Variants in MCFD2 observed in about 807,000 individuals in gnomAD.
MCFD2 encodes the protein multiple coagulation factor deficiency 2, ER cargo receptor complex subunit.
In MCFD2, 11 loss-of-function variants were observed where a neutral mutation model predicts 12.8. That is an observed-to-expected ratio of 0.86 (90% confidence interval 0.54 to 1.42). MCFD2 has a LOEUF of 1.42. Among genes scored for constraint, MCFD2 ranks in the 40% most tolerant of loss-of-function variants. MCFD2 has a pLI of 0.00. For synonymous variants in MCFD2, 70 were observed against 68.1 expected, an observed-to-expected ratio of 1.03 and a Z score of -0.14; for missense variants, 191 against 178.6, an observed-to-expected ratio of 1.07 and a Z score of -0.40.
rs1016061945 is a variant in MCFD2, at chr2:46,905,241, G to A, written c.*222C>T. On this transcript the variant is annotated 3_prime_UTR_variant, in exon 4 of 4. Transcript: ENST00000319466. ...ATACAGATGCTTGAAGCAAGCCCTT[G>A]TCCAATAAGGTATTTAATAGCACTT... is the stretch of plus-strand genomic sequence containing the variant. 1.8e-6 allele frequency: 1 copy of A among 561,894 alleles called. No individual in the cohort carries two copies. The highest frequency in any genetic ancestry group is 3.4e-5 in the East Asian group (1 of 29,504). 34.8% of individuals were successfully genotyped at this position (561,894 alleles called of 1,614,324 possible).
In MCFD2 at chr2:46,941,715, T is replaced by A; in HGVS notation, c.-151A>T. ...GCAGCCCGAGCGCAGCGTTCACCTTTCCGGACACCGGTGAGTAAGGGAAGA... is the reference window on the plus strand; with the variant it reads ...GCAGCCCGAGCGCAGCGTTCACCTTACCGGACACCGGTGAGTAAGGGAAGA... On this transcript the variant is annotated 5_prime_UTR_variant, in exon 1 of 3. Coordinates refer to the MCFD2 transcript ENST00000409147. The surrounding 1 kb of genome is among the most constrained non-coding windows in gnomAD (Gnocchi z 4.2). The A allele has an allele frequency of 6.5e-7, 1 of 1,550,238 alleles. No individual in the cohort carries two copies. The highest frequency in any genetic ancestry group is 8.7e-7 in the Non-Finnish European group (1 of 1,147,134).
rs1365390135 is a variant in MCFD2 at position 46,908,278 on chromosome 2, T to C, written c.150-309A>G. 1 of 372,730 alleles carries C rather than the reference T, an allele frequency of 2.7e-6. No homozygotes were observed. The highest frequency in any genetic ancestry group is 2.2e-5 in the African/African-American group (1 of 45,958). The allele number at this position is 372,730 out of a possible 1,614,324, so 23.1% of individuals were successfully genotyped here. A position where few individuals can be genotyped will look rare whatever the true frequency, so the allele number is the denominator to read the frequency against. ...GTCCTTTAAAACTTTTTTTTTTTTT[T>C]GAGACAGGGTCTCACTCTGCCACCC... is the stretch of plus-strand genomic sequence containing the variant. On this transcript the variant is annotated intron_variant, in intron 2 of 3. Transcript: ENST00000319466. The surrounding 1 kb of genome is among the most constrained non-coding windows in gnomAD (Gnocchi z 4.5).
chr2:46,923,376 C>G (rs1256910239), intron 1 of MCFD2, among the ~76,000 whole-genome samples: 2 of 152,198 alleles, frequency 1.3e-5, no homozygotes, highest in Non-Finnish European at 2.9e-5. Flanking sequence ...CTGGGGGCTG[C>G]CAGCCATCAG....
At position 46,915,802 on chromosome 2, in the gene MCFD2, C is replaced by A. The variant is rs1558467294; in HGVS notation, c.-86G>T. 7.0e-6 allele frequency: 4 copies of A among 571,678 alleles called. No homozygotes were observed. Among genetic ancestry groups the A allele is most frequent in the Non-Finnish European group, 7.9e-6 (4 of 503,722 alleles). 35.4% of individuals were successfully genotyped at this position (571,678 alleles called of 1,614,324 possible). A position where few individuals can be genotyped will look rare whatever the true frequency, so the allele number is the denominator to read the frequency against. ...CCGTCCCCAAAACGCTCTTCCTCGG[C>A]TTCGCCCCGCCCCCCCCCCCCCCCC... On this transcript the variant is annotated 5_prime_UTR_variant, in exon 1 of 4. Transcript: ENST00000319466.
intron 1 of MCFD2, among the ~76,000 whole-genome samples, chr2:46,914,421 G>C (rs71423927): frequency 6.6e-6 from 1 of 152,146 alleles, no homozygotes; most frequent in Non-Finnish European, 1.5e-5. Flanking sequence ...ACTTACCCCT[G>C]TCATGGTCCT....
intron 1 of MCFD2, among the ~76,000 whole-genome samples, chr2:46,912,227 T>C (rs1668516638): frequency 6.6e-6 from 1 of 152,160 alleles, no homozygotes; most frequent in African/African-American, 2.4e-5. Context: ...TAATCCCAGC[T>C]ATTTGGGAGG....
rs1668068562 is a variant in MCFD2, at chr2:46,902,895, T to C, written c.*2568A>G. 1 of 152,224 alleles carries C rather than the reference T, an allele frequency of 6.6e-6. No individual in the cohort carries two copies. Among genetic ancestry groups the C allele is most frequent in the African/African-American group, 2.4e-5 (1 of 41,446 alleles). The allele number at this position is 152,224 out of a possible 1,614,324, so 9.4% of individuals were successfully genotyped here. On this transcript the variant is annotated 3_prime_UTR_variant, in exon 4 of 4. Transcript: ENST00000319466. ...AGCATCCACTTGGCAAAGCCTGTTG[T>C]TTTACTTTTCAGGTGATGTGAATTA...
chr2:46,939,885 C>T (rs1345821102), intron 1 of MCFD2, among the ~76,000 whole-genome samples: 1 of 152,204 alleles, frequency 6.6e-6, no homozygotes, highest in East Asian at 1.9e-4. Context: ...TCTCTAAATT[C>T]CAACTGCCAG....
rs1274504390 is a variant in MCFD2, at chr2:46,902,082, A to G, written c.*3381T>C. ...GTATACATCCTACGACAAATTTTGTAGTCTCTTTTTCCCATTCAATCATCG... is the reference window on the plus strand; with the variant it reads ...GTATACATCCTACGACAAATTTTGTGGTCTCTTTTTCCCATTCAATCATCG... On this transcript the variant is annotated 3_prime_UTR_variant, in exon 4 of 4. Coordinates refer to ENST00000319466, the MANE Select transcript of MCFD2 (RefSeq NM_139279.6). 1 of 152,674 alleles carries G rather than the reference A, an allele frequency of 6.5e-6. No individual in the cohort carries two copies. The highest frequency in any genetic ancestry group is 2.4e-5 in the African/African-American group (1 of 41,476). 9.5% of individuals were successfully genotyped at this position (152,674 alleles called of 1,614,324 possible). A position where few individuals can be genotyped will look rare whatever the true frequency, so the allele number is the denominator to read the frequency against.
chr2:46,939,010 C>CAAAAA (rs1190579295), intron 1 of MCFD2, among the ~76,000 whole-genome samples: 1 of 76,992 alleles, frequency 1.3e-5, no homozygotes, highest in African/African-American at 4.4e-5. Context: ...GACTCTGTCT[C>CAAAAA]AAAAAAAAAA....
chr2:46,908,849 G>T lies in MCFD2; in HGVS notation c.149+174C>A. 2.4e-6 allele frequency: 2 copies of T among 837,242 alleles called. No homozygotes were observed. The highest frequency in any genetic ancestry group is 5.4e-5 in the East Asian group (2 of 37,380). 51.9% of individuals were successfully genotyped at this position (837,242 alleles called of 1,614,324 possible). A position where few individuals can be genotyped will look rare whatever the true frequency, so the allele number is the denominator to read the frequency against. ...GATCTTCCACCTGTGATACAATGAT[G>T]AAAAAAGAATACCTGACTTATAGGT... On this transcript the variant is annotated intron_variant, in intron 2 of 3. Transcript: ENST00000319466. This position sits in a 1 kb window ranked among gnomAD's most constrained non-coding sequence, Gnocchi z 4.5.
intron 1 of MCFD2, among the ~76,000 whole-genome samples, chr2:46,912,031 C>T (rs1213844437): frequency 1.3e-5 from 2 of 152,150 alleles, no homozygotes; most frequent in African/African-American, 4.8e-5. Context: ...TCCAATTTTA[C>T]CAAATAAAAG....
Position 46,937,905 on chromosome 2 carries a change from G to A in MCFD2, c.-8+3667C>T, listed in dbSNP as rs768900052. On this transcript the variant is annotated intron_variant, in intron 1 of 2. Coordinates refer to the MCFD2 transcript ENST00000409147. The surrounding 1 kb of genome is among the most constrained non-coding windows in gnomAD (Gnocchi z 4.0). ...AGAGAAGTCTGTTCAGCAGGTCATG[G>A]ACTGAAGAAAACTACTGTGTATATA... 2.0e-5 allele frequency among the ~76,000 whole-genome samples: 3 copies of A among 152,184 alleles called. No individual in the cohort carries two copies. The highest frequency in any genetic ancestry group is 7.2e-5 in the African/African-American group (3 of 41,440).
In MCFD2 at chr2:46,937,863, ATTAG is replaced by A. The variant is rs1670059288; in HGVS notation, c.-8+3705_-8+3708del. ...CCCTGTGAAAGCAAAATGTGCTGTA[ATTAG>A]TTCTTTGTCAAGAGAGAAGTCTGTT... On this transcript the variant is annotated intron_variant, in intron 1 of 2. Transcript: ENST00000409147. This position sits in a 1 kb window ranked among gnomAD's most constrained non-coding sequence, Gnocchi z 4.0. Among the ~76,000 whole-genome samples, 1 of 152,310 alleles carries A rather than the reference ATTAG, an allele frequency of 6.6e-6. No individual in the cohort carries two copies. Among genetic ancestry groups the A allele is most frequent in the African/African-American group, 2.4e-5 (1 of 41,570 alleles).
At chr2:46,939,290 C>G (rs547060121) in intron 1 of MCFD2, among the ~76,000 whole-genome samples, 4 of 152,190 alleles carry the variant, frequency 2.6e-5, no homozygotes, top group African/African-American at 9.6e-5. Flanking sequence ...CGCAGTGGCT[C>G]AAGCCTGTAA....
intron 1 of MCFD2, among the ~76,000 whole-genome samples, chr2:46,927,010 G>A (rs1669418695): frequency 6.6e-6 from 1 of 151,968 alleles, no homozygotes; most frequent in Non-Finnish European, 1.5e-5. Context: ...CACGAAAAGA[G>A]AGAATCAGTA....
intron 1 of MCFD2, among the ~76,000 whole-genome samples, chr2:46,926,644 T>C (rs1669398247): frequency 1.3e-5 from 2 of 152,230 alleles, no homozygotes; most frequent in South Asian, 4.1e-4. Context: ...AAAAAGCAAC[T>C]GGACGTCCTT....
rs1668195578 is a variant in MCFD2, at chr2:46,905,709, A to G, written c.310-115T>C. 7 of 1,142,336 alleles carry G rather than the reference A, an allele frequency of 6.1e-6. No individual in the cohort carries two copies. In the Admixed American group the frequency reaches 1.3e-4, roughly 21 times the overall value. The allele number at this position is 1,142,336 out of a possible 1,614,324, so 70.8% of individuals were successfully genotyped here. A position where few individuals can be genotyped will look rare whatever the true frequency, so the allele number is the denominator to read the frequency against. ...GCACTGTTTATTAAAAAAAAAAAAA[A>G]AAAAAAGGAAAAACAAAACAACAAA... On this transcript the variant is annotated intron_variant, in intron 3 of 3. Coordinates refer to ENST00000319466, the MANE Select transcript of MCFD2 (RefSeq NM_139279.6).
rs1668298861 is a variant in MCFD2, at chr2:46,907,618, G to C, written c.309+192C>G. The C allele has an allele frequency of 3.0e-5, 19 of 641,730 alleles. No homozygotes were observed. In the East Asian group the frequency reaches 5.1e-4, roughly 17 times the overall value. The allele number at this position is 641,730 out of a possible 1,614,324, so 39.8% of individuals were successfully genotyped here. ...TCACTATATTGCCAAGGCTGGTCTT[G>C]AACTCCTGGCTCAAGTGATCCTTCC... On this transcript the variant is annotated intron_variant, in intron 3 of 3. Coordinates refer to ENST00000319466, the MANE Select transcript of MCFD2 (RefSeq NM_139279.6). The surrounding 1 kb of genome is among the most constrained non-coding windows in gnomAD (Gnocchi z 4.1).
Sources: gnomAD v4.1 joint callset for allele counts (sites outside exome capture counted in the v4.1 genomes callset) on GRCh38, gnomAD v4.1.1 for gene constraint, Gnocchi (gnomAD v3.1) non-coding constraint, MANE v1.5 for transcripts, NCBI Gene and HGNC (gene_info 2026-07-23, HGNC 2026-07-21) for gene names.